The following LRRIQ1 variants were observed in gnomAD, a reference collection of about 807,000 sequenced individuals.
LRRIQ1 encodes leucine rich repeats and IQ motif containing 1, also known as leucine-rich repeat- and IQ domain-containing protein 1.
In LRRIQ1, 210 loss-of-function variants were observed where a neutral mutation model predicts 211.9. The ratio of observed to expected loss-of-function variants is 0.99; its 90% confidence interval spans 0.89 to 1.11. LRRIQ1 has a LOEUF of 1.11. Among genes scored for constraint, LRRIQ1 ranks in the 50% most tolerant of loss-of-function variants. The pLI, the probability that LRRIQ1 is intolerant of heterozygous loss-of-function variation, is 0.00. For missense variants in LRRIQ1, 2,136 were observed against 1,939.5 expected (o/e 1.10, Z -1.90); for synonymous variants, 699 against 650.1 (o/e 1.08, Z -1.14).
At chr12:85,100,124 C>T (rs1319978289) in intron 13 of LRRIQ1, among the ~76,000 whole-genome samples, 1 of 151,566 alleles carries the variant, frequency 6.6e-6, no homozygotes, top group Non-Finnish European at 1.5e-5. Flanking sequence ...CGCAGTAAGT[C>T]ACGGAGGAAT....
chr12:85,203,717 G>A (rs1267757951), intron 24 of LRRIQ1, among the ~76,000 whole-genome samples: 2 of 152,084 alleles, frequency 1.3e-5, no homozygotes, highest in African/African-American at 4.8e-5. Flanking sequence ...ATGATTTAGG[G>A]TATCTGGTGG....
chr12:85,135,412 C>T (rs536577909), intron 18 of LRRIQ1, among the ~76,000 whole-genome samples: 1 of 151,600 alleles, frequency 6.6e-6, no homozygotes, highest in South Asian at 2.1e-4. Flanking sequence ...TATTACTGGC[C>T]ATTGGTAAAC....
intron 13 of LRRIQ1, among the ~76,000 whole-genome samples, chr12:85,102,955 A>ATATATATATAT (rs1555207722): frequency 5.4e-4 from 64 of 119,368 alleles, no homozygotes; most frequent in African/African-American, 2.2e-3. Context: ...AAAAAAAAAA[A>ATATATATATAT]AAAAATATAT....
At chr12:85,223,081 T>C (rs1175002407) in intron 24 of LRRIQ1, among the ~76,000 whole-genome samples, 2 of 152,128 alleles carry the variant, frequency 1.3e-5, no homozygotes, top group African/African-American at 4.8e-5. Flanking sequence ...AAACATACTT[T>C]AGTAGGATGA....
At chr12:85,049,323 A>G (rs1392463558) in intron 6 of LRRIQ1, among the ~76,000 whole-genome samples, 1 of 152,112 alleles carries the variant, frequency 6.6e-6, no homozygotes, top group African/African-American at 2.4e-5. Context: ...TTTTGCATCA[A>G]ATACAAACTT....
At chr12:85,204,746 G>A (rs1263279036) in intron 24 of LRRIQ1, among the ~76,000 whole-genome samples, 1 of 151,772 alleles carries the variant, frequency 6.6e-6, no homozygotes, top group Non-Finnish European at 1.5e-5. Flanking sequence ...ATTGTATCTA[G>A]GAAATAACCA....
At chr12:85,041,391 G>C (rs1878865162) in intron 3 of LRRIQ1, among the ~76,000 whole-genome samples, 1 of 151,530 alleles carries the variant, frequency 6.6e-6, no homozygotes, top group South Asian at 2.1e-4. Flanking sequence ...TATTTCAATA[G>C]TGATAACTGC....
chr12:85,272,524 A>G, the LRRIQ1 span, among the ~76,000 whole-genome samples: 12 of 152,228 alleles, frequency 7.9e-5, no homozygotes, highest in Non-Finnish European at 1.6e-4. Context: ...AGTAATTTTA[A>G]TATTGCAAAA....
downstream of LRRIQ1, among the ~76,000 whole-genome samples, chr12:85,266,359 C>T (rs1327618426): frequency 6.6e-6 from 1 of 152,082 alleles, no homozygotes; most frequent in East Asian, 1.9e-4. Context: ...TAAGAGCCAA[C>T]AGCAGTCGCG....
chr12:85,223,810 G>C (rs887275176), intron 24 of LRRIQ1, among the ~76,000 whole-genome samples: 1 of 151,904 alleles, frequency 6.6e-6, no homozygotes, highest in Non-Finnish European at 1.5e-5. Context: ...GTAGATAATT[G>C]AAGAAAACAA....
In LRRIQ1 at chr12:85,044,849, A is replaced by G; in HGVS notation, c.336+40A>G. 4.3e-6 allele frequency: 4 copies of G among 929,536 alleles called. No individual in the cohort carries two copies. In the African/African-American group the frequency reaches 6.7e-5, roughly 16 times the overall value. The allele number at this position is 929,536 out of a possible 1,614,324, so 57.6% of individuals were successfully genotyped here. On this transcript the variant is annotated intron_variant, in intron 4 of 26. Coordinates refer to ENST00000393217, the MANE Select transcript of LRRIQ1 (RefSeq NM_001079910.2). ...TTTGACTTAAAATATTCACTATTAC[A>G]ATTAGAAATTTTCTCTCTTACACAA...
At chr12:85,151,551 C>G (rs1592890350) in intron 19 of LRRIQ1, among the ~76,000 whole-genome samples, 1 of 151,452 alleles carries the variant, frequency 6.6e-6, no homozygotes, top group Admixed American at 6.6e-5. Context: ...ATTATATATT[C>G]AATCAAGTAA....
intron 1 of LRRIQ1, among the ~76,000 whole-genome samples, chr12:85,255,379 A>G (rs1313008755): frequency 6.6e-6 from 1 of 151,874 alleles, no homozygotes; most frequent in Admixed American, 6.6e-5. Context: ...GGAGAAGTCA[A>G]CATTGACTTT....
At chr12:85,222,872 T>C (rs1299402348) in intron 24 of LRRIQ1, among the ~76,000 whole-genome samples, 2 of 152,092 alleles carry the variant, frequency 1.3e-5, no homozygotes, top group Non-Finnish European at 1.5e-5. Flanking sequence ...TCACCACATA[T>C]AGGACTGCTC....
At chr12:85,223,403 G>A (rs1894494824) in intron 24 of LRRIQ1, among the ~76,000 whole-genome samples, 1 of 152,174 alleles carries the variant, frequency 6.6e-6, no homozygotes, top group Admixed American at 6.6e-5. Context: ...TAAGACAAAG[G>A]AAGTGGTCTG....
intron 7 of LRRIQ1, among the ~76,000 whole-genome samples, chr12:85,052,720 C>T (rs1463289167): frequency 6.6e-6 from 1 of 152,030 alleles, no homozygotes; most frequent in African/African-American, 2.4e-5. Flanking sequence ...TTTAGCTAAA[C>T]ATTATCCTTT....
chr12:85,250,858 TATTATAG>T (rs1330180777), intron 1 of LRRIQ1, among the ~76,000 whole-genome samples: 1 of 109,562 alleles, frequency 9.1e-6, no homozygotes, highest in Admixed American at 1.3e-4. Flanking sequence ...ATATAATATA[TATTATAG>T]ATTATATATT....
At chr12:85,088,977 G>A (rs1485719359) in intron 11 of LRRIQ1, among the ~76,000 whole-genome samples, 1 of 152,162 alleles carries the variant, frequency 6.6e-6, no homozygotes, top group African/African-American at 2.4e-5. Context: ...CCAACACTGT[G>A]TTGAATAGGA....
chr12:85,056,405 G>GA lies in LRRIQ1; in HGVS notation c.1618dup (p.Ile540AsnfsTer8), dbSNP rs769630768. On this transcript the variant is annotated frameshift_variant, in exon 8 of 27. Coordinates refer to ENST00000393217, the MANE Select transcript of LRRIQ1 (RefSeq NM_001079910.2). LOFTEE classifies it high-confidence loss of function. ...ATTAAAGTCTGATGCACAAAAAGAA[G>GA]AAAAAATCATGAAACATGTCATAAA... 9.5e-6 allele frequency: 15 copies of GA among 1,586,320 alleles called. No individual in the cohort carries two copies. The highest frequency in any genetic ancestry group is 1.4e-5 in the African/African-American group (1 of 72,872).
Sources: allele counts gnomAD v4.1 joint callset (sites outside exome capture counted in the v4.1 genomes callset), GRCh38; gene constraint gnomAD v4.1.1; transcripts MANE v1.5; gene names NCBI Gene and HGNC (gene_info 2026-07-23, HGNC 2026-07-21).